FOXN4: variants seen among roughly 807,000 people sequenced by gnomAD.
FOXN4 encodes the protein forkhead box N4, also known as forkhead box protein N4.
A neutral mutation model predicts 45.0 loss-of-function variants in FOXN4; 12 were observed. The ratio of observed to expected loss-of-function variants is 0.27; its 90% CI spans 0.17 to 0.43. The LOEUF (loss-of-function observed/expected upper bound fraction) is 0.43. FOXN4 is among the 20% of genes least tolerant of loss of function. The pLI is 1.00. For synonymous variants in FOXN4, 297 were observed against 295.0 expected, an observed-to-expected ratio of 1.01 and a Z score of -0.07; for missense variants, 560 against 694.9, an observed-to-expected ratio of 0.81 and a Z score of 2.18.
In FOXN4 at chr12:109,288,270, C is replaced by T. The variant is rs915012434; in HGVS notation, c.233-90G>A. On this transcript the variant is annotated intron_variant, in intron 3 of 9. Coordinates refer to ENST00000299162, the MANE Select transcript of FOXN4 (RefSeq NM_213596.3). This position sits in a 1 kb window ranked among gnomAD's most constrained non-coding sequence, Gnocchi z 4.3. The stretch of plus-strand genomic sequence containing the variant: ...CCAGTGCCCAGGTGTCTCCGGAGAA[C>T]GGAGCCAGCCCCTTTCCTCGGACCA... 113 of 1,480,550 alleles carry T rather than the reference C, an allele frequency of 7.6e-5. No homozygotes were observed. The highest frequency in any genetic ancestry group is 1.0e-4 in the East Asian group (4 of 39,820). The allele number at this position is 1,480,550 out of a possible 1,614,324, so 91.7% of individuals were successfully genotyped here. A position where few individuals can be genotyped will look rare whatever the true frequency, so the allele number is the denominator to read the frequency against.
intron 8 of FOXN4, among the ~76,000 whole-genome samples, chr12:109,283,723 G>A (rs879412647): frequency 1.4e-4 from 22 of 152,272 alleles, no homozygotes; most frequent in Non-Finnish European, 2.8e-4. Flanking sequence ...TGATCCACCC[G>A]CCTTGGCCTC....
intron 2 of FOXN4, among the ~76,000 whole-genome samples, chr12:109,294,035 C>G (rs1035184543): frequency 6.6e-6 from 1 of 152,214 alleles, no homozygotes; most frequent in Non-Finnish European, 1.5e-5. Flanking sequence ...CTGTCTGCCT[C>G]CCTCAGGTGG....
chr12:109,287,266 C>T lies in FOXN4; in HGVS notation c.596+131G>A, dbSNP rs1037318397. The T allele has an allele frequency of 1.9e-5, 24 of 1,252,478 alleles. No individual in the cohort carries two copies. The highest frequency in any genetic ancestry group is 1.8e-4 in the East Asian group (7 of 38,790). 77.6% of individuals were successfully genotyped at this position (1,252,478 alleles called of 1,614,324 possible). On this transcript the variant is annotated intron_variant, in intron 6 of 9. Transcript: ENST00000299162. The surrounding 1 kb of genome is among the most constrained non-coding windows in gnomAD (Gnocchi z 4.1). The stretch of plus-strand genomic sequence containing the variant: ...TGAGAACAAGTCCCACCTGGGGGTT[C>T]CCCACTCCCCAAAACCTCCCCCTTG...
At chr12:109,282,392 A>C (rs1218585052) in intron 8 of FOXN4, among the ~76,000 whole-genome samples, 2 of 152,070 alleles carry the variant, frequency 1.3e-5, no homozygotes, top group African/African-American at 4.8e-5. Context: ...AGGCTGCAGT[A>C]AGACATGATT....
intron 2 of FOXN4, among the ~76,000 whole-genome samples, chr12:109,296,061 G>A (rs1483606710): frequency 6.6e-6 from 1 of 152,176 alleles, no homozygotes; most frequent in East Asian, 1.9e-4. Context: ...CCCTTTCTCT[G>A]ACATGGCGTC....
At chr12:109,306,893 G>A (rs1363511183) in intron 2 of FOXN4, among the ~76,000 whole-genome samples, 5 of 152,180 alleles carry the variant, frequency 3.3e-5, no homozygotes, top group Admixed American at 3.3e-4. Context: ...TGAGAGTGCT[G>A]GAAGGAAGCC....
intron 2 of FOXN4, among the ~76,000 whole-genome samples, chr12:109,293,384 G>A (rs953985917): frequency 6.6e-6 from 1 of 151,916 alleles, no homozygotes; most frequent in East Asian, 1.9e-4. Flanking sequence ...TCTACACTTC[G>A]CCAGGACCAG....
intron 9 of FOXN4, 48 bp from the exon 10 acceptor site, chr12:109,279,978 C>A (rs187128224): frequency 1.5e-3 from 2,340 of 1,606,676 alleles, no homozygotes; most frequent in Non-Finnish European, 1.9e-3. Flanking sequence ...CATCAAATGA[C>A]CTGAGTTCGA....
chr12:109,285,656 G>A, intron 7 of FOXN4, 145 bp from the exon 8 acceptor site: 1 of 859,288 alleles, frequency 1.2e-6, no homozygotes, highest in South Asian at 1.6e-5. Flanking sequence ...AAGTTGGAGA[G>A]ACAAGAGAGA....
chr12:109,287,495 T>TG lies in FOXN4; in HGVS notation c.497dup (p.Phe167IlefsTer135). The TG allele has an allele frequency of 1.3e-6, 2 of 1,547,262 alleles. No homozygotes were observed. Among genetic ancestry groups the TG allele is most frequent in the Non-Finnish European group, 8.7e-7 (1 of 1,145,132 alleles). On this transcript the variant is annotated frameshift_variant, in exon 6 of 10. Transcript: ENST00000299162. LOFTEE classifies it high-confidence loss of function. The surrounding 1 kb of genome is among the most constrained non-coding windows in gnomAD (Gnocchi z 4.1). ...GGGGGTAGGGGGGCCGCACCCCAAATGGGGGGCCATAGAGGCCCACAGGAG... is the reference window on the plus strand; with the variant it reads ...GGGGGTAGGGGGGCCGCACCCCAAATGGGGGGGCCATAGAGGCCCACAGGAG...
At position 109,291,787 on chromosome 12, in the gene FOXN4, G is replaced by T. The variant is rs1170247164; in HGVS notation, c.87-1501C>A. The stretch of plus-strand genomic sequence containing the variant: ...TGGAAACGATTTGAAAACGCGGCCG[G>T]CCGGCCGTGTCAGTGGCAGCAGTTG... On this transcript the variant is annotated intron_variant, in intron 2 of 9. Coordinates refer to ENST00000299162, the MANE Select transcript of FOXN4 (RefSeq NM_213596.3). The surrounding 1 kb of genome is among the most constrained non-coding windows in gnomAD (Gnocchi z 6.6). Among the ~76,000 whole-genome samples the T allele has an allele frequency of 6.6e-6, 1 of 152,090 alleles. No individual in the cohort carries two copies. Among genetic ancestry groups the T allele is most frequent in the Non-Finnish European group, 1.5e-5 (1 of 68,002 alleles).
At chr12:109,284,446 T>TATGTGTGTGTGC (rs1555241823) in intron 8 of FOXN4, among the ~76,000 whole-genome samples, 10 of 151,748 alleles carry the variant, frequency 6.6e-5, no homozygotes, top group Non-Finnish European at 1.2e-4. Flanking sequence ...TGTGCATGCA[T>TATGTGTGTGTGC]ATGTGTGCGT....
intron 8 of FOXN4, among the ~76,000 whole-genome samples, chr12:109,282,429 T>C (rs148990889): frequency 6.6e-6 from 1 of 152,084 alleles, no homozygotes; most frequent in Non-Finnish European, 1.5e-5. Context: ...GCCTGGGTGA[T>C]AGAGCAAGAC....
At chr12:109,281,058 C>A (rs967296505) in intron 9 of FOXN4, among the ~76,000 whole-genome samples, 2 of 152,260 alleles carry the variant, frequency 1.3e-5, no homozygotes, top group Middle Eastern at 3.4e-3. Flanking sequence ...TGGTGGTGAC[C>A]TCAGGTGATG....
chr12:109,296,245 G>GC (rs1413831160), intron 2 of FOXN4, among the ~76,000 whole-genome samples: 1 of 152,222 alleles, frequency 6.6e-6, no homozygotes, highest in Non-Finnish European at 1.5e-5. Flanking sequence ...TGCGCACCCA[G>GC]CGCTGGGGAG....
intron 2 of FOXN4, among the ~76,000 whole-genome samples, chr12:109,293,969 A>G (rs994596473): frequency 7.2e-5 from 11 of 152,180 alleles, no homozygotes; most frequent in Non-Finnish European, 1.6e-4. Flanking sequence ...AGGCCAGCCC[A>G]GTAAAAGCAA....
intron 2 of FOXN4, among the ~76,000 whole-genome samples, chr12:109,299,694 G>A (rs1002874158): frequency 6.6e-6 from 1 of 152,246 alleles, no homozygotes; most frequent in African/African-American, 2.4e-5. Flanking sequence ...TTCAAGGTCT[G>A]AGACAGATCC....
intron 2 of FOXN4, among the ~76,000 whole-genome samples, chr12:109,298,344 G>T (rs148734332): frequency 1.2e-3 from 154 of 131,802 alleles, no homozygotes; most frequent in South Asian, 3.0e-3. Flanking sequence ...TTTTTTTTTT[G>T]TTTTTTTTTT....
intron 2 of FOXN4, among the ~76,000 whole-genome samples, chr12:109,294,675 G>T (rs1301533648): frequency 6.6e-6 from 1 of 152,168 alleles, no homozygotes; most frequent in African/African-American, 2.4e-5. Flanking sequence ...GTCTCTTAGG[G>T]TCTCTCTGGC....
Sources: gnomAD v4.1 joint callset for allele counts (sites outside exome capture counted in the v4.1 genomes callset) on GRCh38, gnomAD v4.1.1 for gene constraint, Gnocchi (gnomAD v3.1) non-coding constraint, MANE v1.5 for transcripts, NCBI Gene and HGNC (gene_info 2026-07-23, HGNC 2026-07-21) for gene names.